The following LMBR1 variants were observed in gnomAD, a reference collection of about 807,000 sequenced individuals.
LMBR1 encodes limb development membrane protein 1.
LMBR1 carries 52 observed loss-of-function variants against 73.9 expected under a neutral mutation model. The observed-to-expected ratio is 0.70, with a 90% CI of 0.56 to 0.89. The LOEUF (loss-of-function observed/expected upper bound fraction) is 0.89. Among genes scored for constraint, LMBR1 ranks in the 40% least tolerant of loss-of-function variants. LMBR1 has a pLI of 0.00. For synonymous variants in LMBR1, 215 were observed against 209.4 expected (o/e 1.03, Z -0.23); for missense variants, 539 against 579.8 (o/e 0.93, Z 0.72).
intron 5 of LMBR1, among the ~76,000 whole-genome samples, chr7:156,772,858 AG>A (rs1825453723): frequency 7.4e-6 from 1 of 135,760 alleles, no homozygotes; most frequent in Non-Finnish European, 1.6e-5. Flanking sequence ...AGAGGAGAGG[AG>A]GGGAGGGGAG....
At position 156,845,323 on chromosome 7, in the gene LMBR1, C is replaced by T. The variant is rs560300603; in HGVS notation, c.67-8438G>A. On this transcript the variant is annotated intron_variant, in intron 1 of 16. Transcript: ENST00000353442. Reference sequence around the variant, plus strand: ...CAGCCTGGGCAATGGAGCAAGATTCCGTCTCCAAATAAATAAATAATAAGC... The same window carrying T: ...CAGCCTGGGCAATGGAGCAAGATTCTGTCTCCAAATAAATAAATAATAAGC... 1.8e-4 allele frequency among the ~76,000 whole-genome samples: 27 copies of T among 151,948 alleles called. No homozygotes were observed. In the East Asian group the frequency reaches 2.7e-3, roughly 15 times the overall value.
chr7:156,863,284 C>A (rs946563483), intron 1 of LMBR1, among the ~76,000 whole-genome samples: 1 of 151,674 alleles, frequency 6.6e-6, no homozygotes, highest in Admixed American at 6.6e-5. Context: ...GGGCAGGAAG[C>A]ATCCAGCATG....
intron 4 of LMBR1, among the ~76,000 whole-genome samples, chr7:156,811,835 T>A (rs1833147307): frequency 6.6e-6 from 1 of 152,120 alleles, no homozygotes; most frequent in Non-Finnish European, 1.5e-5. Context: ...GGACTAGAAG[T>A]CTGAAATCAA....
intron 5 of LMBR1, among the ~76,000 whole-genome samples, chr7:156,794,862 C>T (rs916766633): frequency 3.3e-5 from 5 of 152,088 alleles, no homozygotes; most frequent in Non-Finnish European, 7.4e-5. Flanking sequence ...GCATGTACTC[C>T]TTTGTACTCC....
At chr7:156,674,961 A>C (rs1350022473), downstream of LMBR1, among the ~76,000 whole-genome samples, 1 of 152,156 alleles carries the variant, frequency 6.6e-6, no homozygotes, top group Non-Finnish European at 1.5e-5. Flanking sequence ...ACAGCAGGGG[A>C]GGGAAACAAT....
At chr7:156,843,739 G>A (rs1839119361) in intron 1 of LMBR1, among the ~76,000 whole-genome samples, 2 of 151,592 alleles carry the variant, frequency 1.3e-5, no homozygotes, top group South Asian at 4.2e-4. Context: ...AGGAGGCTGA[G>A]GCACGAGAAT....
chr7:156,778,274 T>C (rs1014106727), intron 5 of LMBR1, among the ~76,000 whole-genome samples: 48 of 152,188 alleles, frequency 3.2e-4, no homozygotes, highest in African/African-American at 1.2e-3. Flanking sequence ...AAATCAACAA[T>C]ACTAATAGAA....
chr7:156,694,649 G>A (rs1050953231), intron 15 of LMBR1, among the ~76,000 whole-genome samples: 51 of 152,156 alleles, frequency 3.4e-4, no homozygotes, highest in African/African-American at 1.2e-3. Context: ...ATATGCAGTT[G>A]AAATGATCAT....
chr7:156,831,717 C>T (rs971150402), intron 3 of LMBR1, among the ~76,000 whole-genome samples: 1 of 152,196 alleles, frequency 6.6e-6, no homozygotes, highest in Admixed American at 6.5e-5. Flanking sequence ...TGCTCCTGGG[C>T]ATCTACCATA....
At chr7:156,724,636 T>C (rs969081500) in intron 14 of LMBR1, among the ~76,000 whole-genome samples, 3 of 152,122 alleles carry the variant, frequency 2.0e-5, no homozygotes, top group Admixed American at 1.3e-4. Context: ...CTCTAAACTT[T>C]TGTAATAATG....
At chr7:156,866,342 A>G (rs1008173344) in intron 1 of LMBR1, among the ~76,000 whole-genome samples, 1 of 152,104 alleles carries the variant, frequency 6.6e-6, no homozygotes, top group African/African-American at 2.4e-5. Context: ...TGAAACTTTT[A>G]AAGGCAAAGA....
chr7:156,696,556 C>A (rs186935776), intron 15 of LMBR1, among the ~76,000 whole-genome samples: 1 of 152,118 alleles, frequency 6.6e-6, no homozygotes, highest in Non-Finnish European at 1.5e-5. Context: ...TGGCAGAGGG[C>A]GAAAGGCACT....
intron 10 of LMBR1, among the ~76,000 whole-genome samples, chr7:156,730,551 A>C (rs1032278889): frequency 6.6e-6 from 1 of 152,240 alleles, no homozygotes; most frequent in African/African-American, 2.4e-5. Context: ...TACCAGAAGC[A>C]AAAGTACATC....
downstream of LMBR1, chr7:156,675,631 G>C (rs991021683): frequency 6.3e-6 from 9 of 1,422,372 alleles, no homozygotes; most frequent in Non-Finnish European, 8.9e-6. Context: ...TCAGGCTCGA[G>C]AGCGCTTCCC....
chr7:156,843,005 A>C (rs961912672), intron 1 of LMBR1, among the ~76,000 whole-genome samples: 1 of 152,092 alleles, frequency 6.6e-6, no homozygotes, highest in Non-Finnish European at 1.5e-5. Context: ...CAAACTTCAC[A>C]CTCATCGACC....
At position 156,678,021 on chromosome 7, in the gene LMBR1, A is replaced by G. The variant is rs897741810; in HGVS notation, c.*6057T>C. 2 of 152,268 alleles carry G rather than the reference A, an allele frequency of 1.3e-5. No individual in the cohort carries two copies. Among genetic ancestry groups the G allele is most frequent in the African/African-American group, 4.8e-5 (2 of 41,438 alleles). The allele number at this position is 152,268 out of a possible 1,614,324, so 9.4% of individuals were successfully genotyped here. A position where few individuals can be genotyped will look rare whatever the true frequency, so the allele number is the denominator to read the frequency against. On this transcript the variant is annotated 3_prime_UTR_variant, in exon 17 of 17. Coordinates refer to ENST00000353442, the MANE Select transcript of LMBR1 (RefSeq NM_022458.4). ...CCCTAAACTTTGGATCTAGAAGGAG[A>G]GTCCCGGAGATACATGGATCATTCA...
At chr7:156,803,803 C>T (rs1585898359) in intron 4 of LMBR1, among the ~76,000 whole-genome samples, 1 of 151,878 alleles carries the variant, frequency 6.6e-6, no homozygotes, top group East Asian at 1.9e-4. Context: ...CCATGGAATA[C>T]TATGCAGCCA....
At chr7:156,783,044 AC>A (rs1342635419) in intron 5 of LMBR1, among the ~76,000 whole-genome samples, 1 of 152,188 alleles carries the variant, frequency 6.6e-6, no homozygotes, top group Non-Finnish European at 1.5e-5. Context: ...GGCTTTCTGC[AC>A]TTCCATTAAA....
intron 1 of LMBR1, among the ~76,000 whole-genome samples, chr7:156,839,087 T>C (rs1838188219): frequency 6.7e-6 from 1 of 150,234 alleles, no homozygotes; most frequent in African/African-American, 2.5e-5. Flanking sequence ...TTCACTCTTG[T>C]TGTTCAGACT....
Sources: gnomAD v4.1 joint callset for allele counts (sites outside exome capture counted in the v4.1 genomes callset) on GRCh38, gnomAD v4.1.1 for gene constraint, MANE v1.5 for transcripts, NCBI Gene and HGNC (gene_info 2026-07-23, HGNC 2026-07-21) for gene names.